Variants in METTL8 observed in about 807,000 individuals in gnomAD.
METTL8 encodes the protein tRNA N(3)-cytidine methyltransferase METTL8, mitochondrial.
METTL8 carries 32 observed loss-of-function variants against 48.7 expected under a neutral mutation model. That is an observed-to-expected ratio of 0.66 (90% CI 0.50 to 0.88). The LOEUF (loss-of-function observed/expected upper bound fraction) is 0.88, where lower values mean the gene tolerates loss of function less well. Ranked by LOEUF, METTL8 falls within the 40% of genes least tolerant of loss-of-function variation. The pLI, the probability that METTL8 is intolerant of heterozygous loss-of-function variation, is 0.00. For missense variants in METTL8, 464 were observed against 474.4 expected, an observed-to-expected ratio of 0.98 and a Z score of 0.20; for synonymous variants, 136 against 157.1, an observed-to-expected ratio of 0.87 and a Z score of 1.01.
intron 2 of METTL8, among the ~76,000 whole-genome samples, chr2:171,384,706 C>G (rs1186343574): frequency 1.3e-5 from 2 of 151,430 alleles, no homozygotes; most frequent in Admixed American, 1.3e-4. Context: ...GTAGCACACA[C>G]CTGTAATCTC....
chr2:171,425,966 A>G (rs1574251565), intron 1 of METTL8, among the ~76,000 whole-genome samples: 1 of 152,134 alleles, frequency 6.6e-6, no homozygotes, highest in East Asian at 1.9e-4. Flanking sequence ...AGACCAGCCT[A>G]GCCAACATAG....
At chr2:171,385,807 T>C (rs1466953599) in intron 2 of METTL8, among the ~76,000 whole-genome samples, 1 of 152,232 alleles carries the variant, frequency 6.6e-6, no homozygotes, top group Non-Finnish European at 1.5e-5. Flanking sequence ...CCTCTATGCC[T>C]AATTCATTCA....
In METTL8 at chr2:171,371,836, CTATTATTATTAT is replaced by C. The variant is rs4027587; in HGVS notation, c.144-11335_144-11324del. ...TTAAATTACATTATTGTTATTATTACTATTATTATTATTATTATTATTATTATTATTATTGTA... is the reference window on the plus strand; with the variant it reads ...TTAAATTACATTATTGTTATTATTACTATTATTATTATTATTATTATTGTA... On this transcript the variant is annotated intron_variant, in intron 2 of 9. Coordinates refer to ENST00000375258, the MANE Select transcript of METTL8 (RefSeq NM_001321154.2). 1.0e-3 allele frequency among the ~76,000 whole-genome samples: 150 copies of C among 143,856 alleles called. 1 individual carries two copies. Among genetic ancestry groups the C allele is most frequent in the African/African-American group, 3.1e-3 (120 of 39,270 alleles). The allele number at this position is 143,856 out of a possible 152,430, so 94.4% of individuals were successfully genotyped here.
At chr2:171,349,542 A>G (rs993273796) in intron 3 of METTL8, among the ~76,000 whole-genome samples, 2 of 152,124 alleles carry the variant, frequency 1.3e-5, no homozygotes, top group Admixed American at 6.6e-5. Flanking sequence ...TATATACCAC[A>G]TTTGTTTTAA....
chr2:171,397,451 G>A (rs1021444152), intron 1 of METTL8, among the ~76,000 whole-genome samples: 1 of 149,624 alleles, frequency 6.7e-6, no homozygotes, highest in Non-Finnish European at 1.5e-5. Context: ...CTACTTGGGA[G>A]GCCAACGAGG....
chr2:171,378,290 G>C (rs1687171189), intron 2 of METTL8, among the ~76,000 whole-genome samples: 1 of 152,200 alleles, frequency 6.6e-6, no homozygotes, highest in African/African-American at 2.4e-5. Flanking sequence ...TGCAATTCTA[G>C]TTTCTGACAA....
At chr2:171,425,347 C>T (rs1011452613) in intron 1 of METTL8, among the ~76,000 whole-genome samples, 1 of 152,156 alleles carries the variant, frequency 6.6e-6, no homozygotes, top group African/African-American at 2.4e-5. Context: ...CCAAGAGACC[C>T]CCTCATCCTC....
intron 1 of METTL8, among the ~76,000 whole-genome samples, chr2:171,427,276 T>G (rs1316178252): frequency 6.6e-6 from 1 of 152,178 alleles, no homozygotes; most frequent in Non-Finnish European, 1.5e-5. Context: ...TATAATCTCT[T>G]ACCTGGACAA....
intron 2 of METTL8, chr2:171,374,814 T>C: frequency 1.5e-6 from 1 of 664,570 alleles, no homozygotes; most frequent in Non-Finnish European, 2.7e-6. Context: ...TCATCCATGT[T>C]GTATATGTTT....
chr2:171,335,714 C>T (rs534372184), intron 5 of METTL8, among the ~76,000 whole-genome samples: 2 of 152,014 alleles, frequency 1.3e-5, no homozygotes, highest in Admixed American at 6.6e-5. Context: ...TGTGAGCCAC[C>T]GCACCAGGCC....
chr2:171,322,166 G>C lies in METTL8; in HGVS notation c.*2006C>G, dbSNP rs1297793651. The C allele has an allele frequency of 1.3e-5, 2 of 151,792 alleles. No homozygotes were observed. Among genetic ancestry groups the C allele is most frequent in the Non-Finnish European group, 2.9e-5 (2 of 67,968 alleles). 9.4% of individuals were successfully genotyped at this position (151,792 alleles called of 1,614,324 possible). Reference sequence around the variant, plus strand: ...TTTTTAGTAGAGACAGGGTTTCACAGTGTTGGTCAGGCTGGTCTTGAACTC... The same window carrying C: ...TTTTTAGTAGAGACAGGGTTTCACACTGTTGGTCAGGCTGGTCTTGAACTC... On this transcript the variant is annotated 3_prime_UTR_variant, in exon 10 of 10. Coordinates refer to ENST00000375258, the MANE Select transcript of METTL8 (RefSeq NM_001321154.2).
At chr2:171,330,948 G>A (rs980816408) in intron 6 of METTL8, among the ~76,000 whole-genome samples, 3 of 152,100 alleles carry the variant, frequency 2.0e-5, no homozygotes, top group African/African-American at 4.8e-5. Context: ...GTAGAGGAGG[G>A]TAGGCTTTCT....
rs1684465628 is a variant in METTL8, at chr2:171,320,332, CA to C, written c.*3839del. On this transcript the variant is annotated 3_prime_UTR_variant, in exon 10 of 10. Transcript: ENST00000375258. ...AGAGACCAGTTTGTGTCTCACAGTC[CA>C]AATTTGGTTGATGTATTTTTGAAGC... The C allele has an allele frequency of 6.6e-6, 1 of 152,142 alleles. No homozygotes were observed. Among genetic ancestry groups the C allele is most frequent in the Non-Finnish European group, 1.5e-5 (1 of 68,038 alleles). 9.4% of individuals were successfully genotyped at this position (152,142 alleles called of 1,614,324 possible). A position where few individuals can be genotyped will look rare whatever the true frequency, so the allele number is the denominator to read the frequency against.
chr2:171,375,643 TA>T (rs1282452770), intron 2 of METTL8, among the ~76,000 whole-genome samples: 3 of 152,244 alleles, frequency 2.0e-5, no homozygotes, highest in African/African-American at 7.2e-5. Flanking sequence ...ACTTCATTTT[TA>T]CTGTGTTGTT....
Position 171,337,520 on chromosome 2 carries a change from A to G in METTL8, c.607-18T>C. 6.3e-7 allele frequency: 1 copy of G among 1,588,442 alleles called. No homozygotes were observed. The highest frequency in any genetic ancestry group is 1.4e-5 in the African/African-American group (1 of 73,998). On this transcript the variant is annotated intron_variant, in intron 4 of 9. Coordinates refer to ENST00000375258, the MANE Select transcript of METTL8 (RefSeq NM_001321154.2). ...CAACCAACCTAAAATCAAAAGAACA[A>G]GCAAATATCAAAAAAAGCAAGGTTA...
At chr2:171,366,574 C>T (rs1685736355) in intron 2 of METTL8, among the ~76,000 whole-genome samples, 1 of 151,996 alleles carries the variant, frequency 6.6e-6, no homozygotes, top group Admixed American at 6.6e-5. Context: ...AATTAGTACA[C>T]AAGGACTTTA....
intron 5 of METTL8, among the ~76,000 whole-genome samples, chr2:171,336,592 G>A (rs1189272050): frequency 2.0e-5 from 3 of 151,778 alleles, no homozygotes; most frequent in Non-Finnish European, 2.9e-5. Context: ...TAGTAGAGAC[G>A]AGGTTTCACC....
At chr2:171,420,968 C>G (rs1691810913) in intron 1 of METTL8, among the ~76,000 whole-genome samples, 1 of 152,150 alleles carries the variant, frequency 6.6e-6, no homozygotes, top group Non-Finnish European at 1.5e-5. Flanking sequence ...GAAGTATTCC[C>G]TTTATAAACA....
At chr2:171,409,630 T>C (rs1290766007) in intron 1 of METTL8, among the ~76,000 whole-genome samples, 1 of 152,036 alleles carries the variant, frequency 6.6e-6, no homozygotes, top group Non-Finnish European at 1.5e-5. Flanking sequence ...ATGGGGAAAT[T>C]GTCTTACTGT....
Sources: gnomAD v4.1 joint callset for allele counts (sites outside exome capture counted in the v4.1 genomes callset) on GRCh38, gnomAD v4.1.1 for gene constraint, MANE v1.5 for transcripts, NCBI Gene and HGNC (gene_info 2026-07-23, HGNC 2026-07-21) for gene names.